Variants in LAMB1 observed in about 807,000 individuals in gnomAD.
The protein encoded by LAMB1 is laminin subunit beta 1.
LAMB1 carries 121 observed loss-of-function variants against 222.3 expected under a neutral mutation model. The observed-to-expected ratio is 0.54, with a 90% confidence interval of 0.47 to 0.63. LAMB1 has a LOEUF of 0.63. LAMB1 is among the 30% of genes least tolerant of loss of function. LAMB1 has a pLI of 0.00. For missense variants in LAMB1, 2,172 were observed against 2,240.8 expected, an observed-to-expected ratio of 0.97 and a Z score of 0.62; for synonymous variants, 794 against 807.2, an observed-to-expected ratio of 0.98 and a Z score of 0.28.
At chr7:107,948,619 T>C (rs2033178960) in intron 24 of LAMB1, among the ~76,000 whole-genome samples, 1 of 152,166 alleles carries the variant, frequency 6.6e-6, no homozygotes, top group African/African-American at 2.4e-5. Context: ...TACATATAAA[T>C]GCAGAGAGGA....
At position 107,962,810 on chromosome 7, in the gene LAMB1, A is replaced by G. The variant is rs566409187; in HGVS notation, c.1857+95T>C. ...TCTGATCTGTTCTAATGCAACCTCCATATTTCATAACTATATATAATACCC... is the reference window on the plus strand; with the variant it reads ...TCTGATCTGTTCTAATGCAACCTCCGTATTTCATAACTATATATAATACCC... On this transcript the variant is annotated intron_variant, in intron 15 of 33. Coordinates refer to ENST00000222399, the MANE Select transcript of LAMB1 (RefSeq NM_002291.3). 5.0e-4 allele frequency: 501 copies of G among 1,009,786 alleles called. 5 individuals carry two copies. In the East Asian group the frequency reaches 0.011, roughly 23 times the overall value. 62.6% of individuals were successfully genotyped at this position (1,009,786 alleles called of 1,614,324 possible).
chr7:107,997,334 A>T (rs1425060335), intron 4 of LAMB1, among the ~76,000 whole-genome samples: 1 of 152,158 alleles, frequency 6.6e-6, no homozygotes, highest in East Asian at 1.9e-4. Flanking sequence ...GAGGCAGGAG[A>T]ATCACTTGAA....
At chr7:107,975,570 A>G in intron 10 of LAMB1, 119 bp downstream of exon 10, 1 of 1,251,992 alleles carries the variant, frequency 8.0e-7, no homozygotes, top group Non-Finnish European at 1.1e-6. Context: ...CTTCAACTGC[A>G]ATTACAATAA....
rs2034065636 is a variant in LAMB1, at chr7:107,985,886, G to A, written c.676+136C>T. ...GCAGGAGAATCACTTGAACCCGGGA[G>A]GCGGAGGTTGCAATGAGCAGAGATC... is the stretch of plus-strand genomic sequence containing the variant. On this transcript the variant is annotated intron_variant, in intron 7 of 33. Transcript: ENST00000222399. 6 of 632,842 alleles carry A rather than the reference G, an allele frequency of 9.5e-6. No individual in the cohort carries two copies. In the East Asian group the frequency reaches 1.4e-4, roughly 15 times the overall value. The allele number at this position is 632,842 out of a possible 1,614,324, so 39.2% of individuals were successfully genotyped here.
intron 24 of LAMB1, among the ~76,000 whole-genome samples, chr7:107,949,621 G>C (rs1437640049): frequency 6.6e-6 from 1 of 152,218 alleles, no homozygotes; most frequent in African/African-American, 2.4e-5. Flanking sequence ...CAAATTTGGA[G>C]AATGATGAAA....
At position 107,986,192 on chromosome 7, in the gene LAMB1, G is replaced by T. The variant is rs1300550343; in HGVS notation, c.595C>A (p.Pro199Thr). ...ICDSRYSDIE[P>T]STEGEVIFRA... The stretch of plus-strand genomic sequence containing the variant: ...AAACAAACCTCTCCTTCAGTTGAGG[G>T]TTCAATGTCAGAATATCGAGAATCA... The change falls in exon 6 of 34, where the codon CCC (proline) becomes ACC (threonine). Residue 199 changes from proline (P) to threonine (T), a missense_variant. Transcript: ENST00000222399. 6.2e-7 allele frequency: 1 copy of T among 1,614,076 alleles called. No individual in the cohort carries two copies.
At chr7:107,984,495 G>T (rs1217960985) in intron 7 of LAMB1, among the ~76,000 whole-genome samples, 1 of 152,206 alleles carries the variant, frequency 6.6e-6, no homozygotes, top group East Asian at 1.9e-4. Flanking sequence ...TGATCCGCCT[G>T]CCTTGGCCTC....
intron 12 of LAMB1, among the ~76,000 whole-genome samples, chr7:107,973,307 T>C (rs1291739939): frequency 6.6e-6 from 1 of 152,206 alleles, no homozygotes; most frequent in African/African-American, 2.4e-5. Flanking sequence ...GACTAGCTGC[T>C]CTGCCCTATA....
At chr7:107,939,902 G>A in intron 25 of LAMB1, 87 bp downstream of exon 25, 1 of 1,444,346 alleles carries the variant, frequency 6.9e-7, no homozygotes, top group Non-Finnish European at 9.5e-7. Flanking sequence ...CCTCCTGATG[G>A]AAGCACCATG....
rs779341472 is a variant in LAMB1 at position 107,953,625 on chromosome 7, C to T, written c.2984G>A (p.Gly995Glu). 1.9e-6 allele frequency: 3 copies of T among 1,614,158 alleles called. No homozygotes were observed. Among genetic ancestry groups the T allele is most frequent in the Non-Finnish European group, 2.5e-6 (3 of 1,180,022 alleles). The change falls in exon 22 of 34, where the codon GGG becomes GAG. Residue 995 changes from glycine to glutamate, a missense_variant. Coordinates refer to ENST00000222399, the MANE Select transcript of LAMB1 (RefSeq NM_002291.3). ...GTGGTACAGGCACTTGAGACACCTCCCAGTCTCCTTGTCACAGGCTTCTGG... is the reference window on the plus strand; with the variant it reads ...GTGGTACAGGCACTTGAGACACCTCTCAGTCTCCTTGTCACAGGCTTCTGG... Reference protein sequence around the residue: ...TDPEACDKETGRCLKCLYHTE... With the variant: ...TDPEACDKETERCLKCLYHTE...
chr7:107,992,112 C>T (rs550040434), intron 5 of LAMB1, among the ~76,000 whole-genome samples: 3 of 152,236 alleles, frequency 2.0e-5, no homozygotes, highest in African/African-American at 7.2e-5. Flanking sequence ...ACCCACTGTC[C>T]CACCACCAGT....
At chr7:107,940,509 G>T in intron 24 of LAMB1, 151 bp from the exon 25 acceptor site, 1 of 723,732 alleles carries the variant, frequency 1.4e-6, no homozygotes, top group Non-Finnish European at 2.2e-6. Flanking sequence ...GACTGTAGCA[G>T]CTTCCTCTAG....
intron 20 of LAMB1, among the ~76,000 whole-genome samples, chr7:107,956,236 T>A (rs1228676565): frequency 6.6e-6 from 1 of 151,972 alleles, no homozygotes; most frequent in Non-Finnish European, 1.5e-5. Flanking sequence ...TTTCACCATG[T>A]TGGTCAAGCT....
At chr7:107,943,529 TAA>T (rs1229562835) in intron 24 of LAMB1, among the ~76,000 whole-genome samples, 1 of 152,196 alleles carries the variant, frequency 6.6e-6, no homozygotes, top group Non-Finnish European at 1.5e-5. Flanking sequence ...TCCAGAAAGC[TAA>T]AAGTTACCCC....
Position 107,961,655 on chromosome 7 carries a change from CT to C in LAMB1, c.1878del (p.Ala627LeufsTer54). 6.2e-7 allele frequency: 1 copy of C among 1,613,752 alleles called. No individual in the cohort carries two copies. Among genetic ancestry groups the C allele is most frequent in the Non-Finnish European group, 8.5e-7 (1 of 1,179,698 alleles). ...YEPQLPDHWE[K>X]AVITVQRPGR... The stretch of plus-strand genomic sequence containing the variant: ...CCAGGTCGCTGCACTGTGATGACAG[CT>C]TTTTCCCAGTGGTCGGGTAGCTAGA... On this transcript the variant is annotated frameshift_variant, in exon 16 of 34. Transcript: ENST00000222399. LOFTEE classifies it high-confidence loss of function.
intron 24 of LAMB1, among the ~76,000 whole-genome samples, chr7:107,943,167 T>C (rs2033032363): frequency 6.6e-6 from 1 of 152,206 alleles, no homozygotes; most frequent in African/African-American, 2.4e-5. Context: ...GAAAAAACTA[T>C]CCCATGATGA....
intron 33 of LAMB1, 30 bp from the exon 34 acceptor site, chr7:107,924,117 G>A: frequency 2.0e-6 from 3 of 1,522,676 alleles, no homozygotes; most frequent in African/African-American, 1.4e-5. Flanking sequence ...TATAAAGTCT[G>A]AGCAATTTAT....
chr7:107,949,426 T>C (rs185612127), intron 24 of LAMB1, among the ~76,000 whole-genome samples: 46 of 152,272 alleles, frequency 3.0e-4, no homozygotes, highest in Non-Finnish European at 3.2e-4. Context: ...GATAGAGCCA[T>C]TATCTGGAAA....
rs750072191 is a variant in LAMB1, at chr7:108,002,836, T to C, written c.37+13A>G. 2.5e-6 allele frequency: 4 copies of C among 1,613,902 alleles called. No individual in the cohort carries two copies. The highest frequency in any genetic ancestry group is 3.3e-5 in the Admixed American group (2 of 60,008). On this transcript the variant is annotated intron_variant, in intron 2 of 33. Coordinates refer to ENST00000222399, the MANE Select transcript of LAMB1 (RefSeq NM_002291.3). ...AGTCCGTCCGCCTCCCCGCACCGTTTCCACGGAATTACCTAAGAAACTGAA... is the reference window on the plus strand; with the variant it reads ...AGTCCGTCCGCCTCCCCGCACCGTTCCCACGGAATTACCTAAGAAACTGAA...
Sources: allele counts gnomAD v4.1 joint callset (sites outside exome capture counted in the v4.1 genomes callset), GRCh38; gene constraint gnomAD v4.1.1; transcripts MANE v1.5; gene names NCBI Gene and HGNC (gene_info 2026-07-23, HGNC 2026-07-21).